Variants in TUSC3 observed in about 807,000 individuals in gnomAD.
The protein encoded by TUSC3 is dolichyl-diphosphooligosaccharide--protein glycosyltransferase subunit TUSC3.
Under a neutral mutation model 44.8 loss-of-function variants are expected in TUSC3, and 45 were observed. That is an observed-to-expected ratio of 1.00 (90% CI 0.79 to 1.29). The LOEUF (loss-of-function observed/expected upper bound fraction) is 1.29. Among genes scored for constraint, TUSC3 ranks in the 50% most tolerant of loss-of-function variants. The pLI, the probability that TUSC3 is intolerant of heterozygous loss-of-function variation, is 0.00. For synonymous variants in TUSC3, 212 were observed against 152.9 expected (o/e 1.39, Z -2.85); for missense variants, 519 against 437.9 (o/e 1.19, Z -1.65).
rs182552157 is a variant in TUSC3, at chr8:15,451,715, C to T, written n.92-31671C>T. On this transcript the variant is annotated intron_variant and non_coding_transcript_variant, in intron 1 of 5. Coordinates refer to the TUSC3 transcript ENST00000503191. ...TTTAGGACAAAAGCACAGGTGAGAA[C>T]CTGGGCTTGCAATCGATGGGGGCAA... Among the ~76,000 whole-genome samples, 335 of 152,168 alleles carry T rather than the reference C, an allele frequency of 2.2e-3. 2 individuals are homozygous for T. Among genetic ancestry groups the T allele is most frequent in the African/African-American group, 7.7e-3 (318 of 41,516 alleles).
intron 1 of TUSC3, among the ~76,000 whole-genome samples, chr8:15,554,422 T>A (rs1381503767): frequency 2.0e-5 from 3 of 151,576 alleles, no homozygotes; most frequent in Non-Finnish European, 2.9e-5. Context: ...AGATGGTAGA[T>A]GCTTTATCAG....
the TUSC3 span, among the ~76,000 whole-genome samples, chr8:15,842,228 C>A: frequency 6.6e-6 from 1 of 152,118 alleles, no homozygotes; most frequent in Non-Finnish European, 1.5e-5. Context: ...GAGTATGAAT[C>A]CTTCCGACTT....
chr8:15,510,230 T>C (rs972141651), intron 2 of TUSC3, among the ~76,000 whole-genome samples: 5 of 151,522 alleles, frequency 3.3e-5, no homozygotes, highest in East Asian at 1.9e-4. Flanking sequence ...GAAAAATAGA[T>C]ACAATCAAAG....
chr8:15,630,464 A>G (rs1430954996), intron 2 of TUSC3, among the ~76,000 whole-genome samples: 1 of 98,750 alleles, frequency 1.0e-5, no homozygotes, highest in Non-Finnish European at 2.9e-5. Flanking sequence ...TATATATATT[A>G]TGTCATGTGA....
At chr8:15,582,042 G>T (rs1282262393) in intron 1 of TUSC3, among the ~76,000 whole-genome samples, 4 of 152,082 alleles carry the variant, frequency 2.6e-5, no homozygotes, top group Admixed American at 2.6e-4. Flanking sequence ...TCTGAAAAGC[G>T]CAATATTCGG....
At chr8:15,525,455 C>A (rs954943152) in intron 2 of TUSC3, among the ~76,000 whole-genome samples, 2 of 152,172 alleles carry the variant, frequency 1.3e-5, no homozygotes, top group Non-Finnish European at 2.9e-5. Context: ...AATAGTCCTA[C>A]TATTATTTTT....
intron 6 of TUSC3, among the ~76,000 whole-genome samples, chr8:15,722,301 C>G (rs992185604): frequency 2.0e-5 from 3 of 150,230 alleles, no homozygotes; most frequent in African/African-American, 4.9e-5. Flanking sequence ...GTCTTATTGA[C>G]AGGGTAATAA....
At chr8:15,791,763 A>C in the TUSC3 span, among the ~76,000 whole-genome samples, 1 of 152,100 alleles carries the variant, frequency 6.6e-6, no homozygotes, top group Admixed American at 6.6e-5. Context: ...GCTTTGACCT[A>C]CTGGTAAGGT....
At chr8:15,429,852 C>T (rs1159986546) in intron 1 of TUSC3, among the ~76,000 whole-genome samples, 2 of 151,652 alleles carry the variant, frequency 1.3e-5, no homozygotes, top group Non-Finnish European at 2.9e-5. Flanking sequence ...ACTATAAACA[C>T]CTCTATGCAA....
intron 1 of TUSC3, among the ~76,000 whole-genome samples, chr8:15,426,253 A>G (rs942561043): frequency 3.4e-4 from 51 of 152,172 alleles, no homozygotes; most frequent in Non-Finnish European, 5.7e-4. Flanking sequence ...CTCTGTGAAA[A>G]GAACACCTAA....
chr8:15,503,478 A>G (rs577492858), intron 2 of TUSC3, among the ~76,000 whole-genome samples: 19 of 152,176 alleles, frequency 1.2e-4, no homozygotes, highest in African/African-American at 4.3e-4. Flanking sequence ...AAATTTCTCA[A>G]TAATATGTAT....
At chr8:15,761,814 A>G (rs566286605) in intron 10 of TUSC3, among the ~76,000 whole-genome samples, 3 of 152,138 alleles carry the variant, frequency 2.0e-5, no homozygotes, top group Non-Finnish European at 2.9e-5. Context: ...GAAGGCATTT[A>G]TACATTTTTG....
chr8:15,491,099 G>T (rs1451390198), intron 2 of TUSC3, among the ~76,000 whole-genome samples: 3 of 152,186 alleles, frequency 2.0e-5, no homozygotes, highest in Non-Finnish European at 4.4e-5. Flanking sequence ...AGATGCATTT[G>T]TCTCGTGCTC....
the TUSC3 span, among the ~76,000 whole-genome samples, chr8:15,785,708 A>G: frequency 4.6e-5 from 7 of 152,132 alleles, no homozygotes; most frequent in South Asian, 8.3e-4. Context: ...AAGGTTATTA[A>G]TGGGCCTCAC....
upstream of TUSC3, among the ~76,000 whole-genome samples, chr8:15,536,949 C>G (rs1801532597): frequency 6.6e-6 from 1 of 151,564 alleles, no homozygotes. Flanking sequence ...TAGTATGAGA[C>G]AAGGAAAAAA....
chr8:15,464,652 G>T (rs562163317), intron 1 of TUSC3, among the ~76,000 whole-genome samples: 1 of 152,258 alleles, frequency 6.6e-6, no homozygotes, highest in African/African-American at 2.4e-5. Context: ...TAATTTTTCA[G>T]TTGGAGATAT....
At chr8:15,592,631 A>G (rs1563308167) in intron 1 of TUSC3, among the ~76,000 whole-genome samples, 1 of 152,236 alleles carries the variant, frequency 6.6e-6, no homozygotes, top group Non-Finnish European at 1.5e-5. Context: ...AGGCCTCATC[A>G]GAAGCCAAGC....
At chr8:15,564,930 A>T (rs2129141296) in intron 1 of TUSC3, among the ~76,000 whole-genome samples, 1 of 152,238 alleles carries the variant, frequency 6.6e-6, no homozygotes, top group Admixed American at 6.5e-5. Context: ...CTTTACAGAG[A>T]GCTGAGGCAG....
intron 1 of TUSC3, among the ~76,000 whole-genome samples, chr8:15,578,629 G>A (rs1308637752): frequency 1.0e-4 from 15 of 150,386 alleles, no homozygotes; most frequent in East Asian, 3.9e-4. Context: ...ATTGATTTGC[G>A]TATATTGAAC....
Sources: gnomAD v4.1 joint callset for allele counts (sites outside exome capture counted in the v4.1 genomes callset) on GRCh38, gnomAD v4.1.1 for gene constraint, MANE v1.5 for transcripts, NCBI Gene and HGNC (gene_info 2026-07-23, HGNC 2026-07-21) for gene names.